Variants in ICA1 observed in about 807,000 individuals in gnomAD.
The protein encoded by ICA1 is islet cell autoantigen 1.
A neutral mutation model predicts 71.0 loss-of-function variants in ICA1; 40 were observed. The observed-to-expected ratio is 0.56, with a 90% CI of 0.44 to 0.73. The LOEUF (loss-of-function observed/expected upper bound fraction) is 0.73, where lower values mean the gene tolerates loss of function less well. Ranked by LOEUF, ICA1 falls within the 30% of genes least tolerant of loss-of-function variation. The probability of loss-of-function intolerance (pLI) is 0.00; values close to 1 mark genes in which losing one functional copy is unlikely to be tolerated. For missense variants in ICA1, 578 were observed against 576.5 expected (o/e 1.00, Z -0.03); for synonymous variants, 207 against 209.5 (o/e 0.99, Z 0.10).
intron 6 of ICA1, among the ~76,000 whole-genome samples, chr7:8,199,698 G>A (rs1788895892): frequency 6.6e-6 from 1 of 152,192 alleles, no homozygotes; most frequent in Non-Finnish European, 1.5e-5. Context: ...TGATGACAGA[G>A]CGAGACTCTG....
intron 3 of ICA1, among the ~76,000 whole-genome samples, chr7:8,228,975 G>A (rs1224799044): frequency 6.6e-6 from 1 of 152,110 alleles, no homozygotes; most frequent in South Asian, 2.1e-4. Flanking sequence ...CCTAAGTGAA[G>A]GGCCTAGTTA....
At chr7:8,127,080 T>C (rs1223065851) in intron 13 of ICA1, among the ~76,000 whole-genome samples, 1 of 152,048 alleles carries the variant, frequency 6.6e-6, no homozygotes, top group Non-Finnish European at 1.5e-5. Context: ...TTCAAGCGAT[T>C]CTCCTGCCTC....
At chr7:8,128,883 A>C (rs1221050988) in intron 12 of ICA1, among the ~76,000 whole-genome samples, 2 of 152,224 alleles carry the variant, frequency 1.3e-5, no homozygotes, top group Non-Finnish European at 2.9e-5. Flanking sequence ...CTTCGCTGCT[A>C]TGTGACTTCG....
At position 8,211,761 on chromosome 7, in the gene ICA1, C is replaced by T. The variant is rs1366868910; in HGVS notation, c.579+6544G>A. ...TAATCTCAACATGCACCAGAGGTAC[C>T]TATAAAACAGCAGCCAGCAAACTGT... is the stretch of plus-strand genomic sequence containing the variant. On this transcript the variant is annotated intron_variant, in intron 6 of 13. Transcript: ENST00000402384. Among the ~76,000 whole-genome samples the T allele has an allele frequency of 3.9e-5, 6 of 152,102 alleles. No homozygotes were observed. The South Asian group carries it at 6.2e-4, about 16-fold the overall frequency.
chr7:8,146,736 CGTGTGCGT>C (rs929046119), intron 8 of ICA1, among the ~76,000 whole-genome samples: 67 of 23,790 alleles, frequency 2.8e-3, no homozygotes, highest in Admixed American at 7.9e-3. Flanking sequence ...CGTGTGTGTG[CGTGTGCGT>C]GTGTGTGTGT....
At chr7:8,163,907 A>G (rs1306889227) in intron 6 of ICA1, among the ~76,000 whole-genome samples, 1 of 152,158 alleles carries the variant, frequency 6.6e-6, no homozygotes, top group African/African-American at 2.4e-5. Flanking sequence ...AATAGCAGAA[A>G]AACACTGGAG....
intron 6 of ICA1, among the ~76,000 whole-genome samples, chr7:8,208,605 G>A (rs1792469912): frequency 6.6e-6 from 1 of 152,168 alleles, no homozygotes; most frequent in African/African-American, 2.4e-5. Context: ...TAACCAAAAA[G>A]AAGAAAGTAA....
chr7:8,141,680 G>C lies in ICA1; in HGVS notation c.955+85C>G. The C allele has an allele frequency of 3.8e-6, 3 of 794,056 alleles. No individual in the cohort carries two copies. In the South Asian group the frequency reaches 5.0e-5, roughly 13 times the overall value. The allele number at this position is 794,056 out of a possible 1,614,324, so 49.2% of individuals were successfully genotyped here. A position where few individuals can be genotyped will look rare whatever the true frequency, so the allele number is the denominator to read the frequency against. On this transcript the variant is annotated intron_variant, in intron 10 of 13. Transcript: ENST00000402384. ...GTTGAAAAAGAAGAAAGGCCTAGGA[G>C]GAGTTTGTCAAAAAGTAAAATGACT...
At chr7:8,251,397 C>A (rs1808151586) in intron 1 of ICA1, among the ~76,000 whole-genome samples, 1 of 150,282 alleles carries the variant, frequency 6.7e-6, no homozygotes, top group South Asian at 2.1e-4. Flanking sequence ...ACTTAGTCAT[C>A]ACTTCAGCGA....
chr7:8,257,530 T>C (rs980795511), intron 1 of ICA1, among the ~76,000 whole-genome samples: 4 of 152,186 alleles, frequency 2.6e-5, no homozygotes, highest in African/African-American at 9.7e-5. Context: ...ATCTAGACTC[T>C]TAAAATTAAC....
intron 1 of ICA1, among the ~76,000 whole-genome samples, chr7:8,253,613 T>C (rs1311892355): frequency 6.6e-6 from 1 of 152,182 alleles, no homozygotes; most frequent in East Asian, 1.9e-4. Flanking sequence ...TCTATTTTTT[T>C]ATAATCATAT....
At chr7:8,136,390 C>T (rs1041171699) in intron 12 of ICA1, among the ~76,000 whole-genome samples, 1 of 152,154 alleles carries the variant, frequency 6.6e-6, no homozygotes, top group African/African-American at 2.4e-5. Context: ...ATATTGTAAT[C>T]AGCATTTTAA....
chr7:8,209,133 T>A (rs1394855179), intron 6 of ICA1, among the ~76,000 whole-genome samples: 2 of 152,192 alleles, frequency 1.3e-5, no homozygotes, highest in Non-Finnish European at 2.9e-5. Context: ...ACAGATGAGT[T>A]CACAGATAAT....
intron 1 of ICA1, among the ~76,000 whole-genome samples, chr7:8,244,356 T>C (rs966815730): frequency 5.3e-5 from 8 of 152,212 alleles, no homozygotes; most frequent in Non-Finnish European, 1.2e-4. Flanking sequence ...GCTAGCTATA[T>C]GTAGAAAGCT....
chr7:8,201,372 G>A (rs921400375), intron 6 of ICA1, among the ~76,000 whole-genome samples: 1 of 152,186 alleles, frequency 6.6e-6, no homozygotes, highest in Admixed American at 6.5e-5. Context: ...GTGGTATGAT[G>A]GGGTTAATGA....
chr7:8,249,894 T>G (rs1807537664), intron 1 of ICA1, among the ~76,000 whole-genome samples: 1 of 152,212 alleles, frequency 6.6e-6, no homozygotes, highest in African/African-American at 2.4e-5. Context: ...TTCTCTGGTG[T>G]GTAACTTCAG....
rs1463013922 is a variant in ICA1 at position 8,226,106 on chromosome 7, T to C, written c.256+2495A>G. The stretch of plus-strand genomic sequence containing the variant: ...CTACTGTTTGTATTCCATTTTAGAT[T>C]TTCCCACATCTGGCTGGGTTTAAGT... On this transcript the variant is annotated intron_variant, in intron 4 of 13. Transcript: ENST00000402384. The surrounding 1 kb of genome is among the most constrained non-coding windows in gnomAD (Gnocchi z 4.4). Among the ~76,000 whole-genome samples, 2 of 152,194 alleles carry C rather than the reference T, an allele frequency of 1.3e-5. No homozygotes were observed. Among genetic ancestry groups the C allele is most frequent in the Non-Finnish European group, 2.9e-5 (2 of 68,020 alleles).
intron 6 of ICA1, among the ~76,000 whole-genome samples, chr7:8,183,133 T>A (rs1426126301): frequency 6.6e-6 from 1 of 152,218 alleles, no homozygotes; most frequent in African/African-American, 2.4e-5. Flanking sequence ...AAGATTTAGT[T>A]TGCTTTTCCA....
chr7:8,230,471 G>T (rs949386688), intron 3 of ICA1, among the ~76,000 whole-genome samples: 4 of 152,090 alleles, frequency 2.6e-5, no homozygotes, highest in African/African-American at 7.2e-5. Flanking sequence ...ATCAACATCA[G>T]TATTAACATT....
Sources: gnomAD v4.1 joint callset for allele counts (sites outside exome capture counted in the v4.1 genomes callset) on GRCh38, gnomAD v4.1.1 for gene constraint, Gnocchi (gnomAD v3.1) non-coding constraint, MANE v1.5 for transcripts, NCBI Gene and HGNC (gene_info 2026-07-23, HGNC 2026-07-21) for gene names.